Variants in BIN1 observed in about 807,000 individuals in gnomAD.
The protein encoded by BIN1 is myc box-dependent-interacting protein 1.
A neutral mutation model predicts 82.0 loss-of-function variants in BIN1; 53 were observed. The observed-to-expected ratio is 0.65, with a 90% CI of 0.52 to 0.81. BIN1 has a LOEUF of 0.81. Ranked by LOEUF, BIN1 falls within the 40% of genes least tolerant of loss-of-function variation. BIN1 has a pLI of 0.00. For synonymous variants in BIN1, 302 were observed against 328.0 expected, an observed-to-expected ratio of 0.92 and a Z score of 0.86; for missense variants, 642 against 784.4, an observed-to-expected ratio of 0.82 and a Z score of 2.17.
At chr2:127,102,585 G>A (rs1265143591) in intron 1 of BIN1, among the ~76,000 whole-genome samples, 1 of 152,198 alleles carries the variant, frequency 6.6e-6, no homozygotes, top group Non-Finnish European at 1.5e-5. Flanking sequence ...CAAGTAGGCT[G>A]TGCCTGGACA....
chr2:127,098,568 T>C (rs1311346083), intron 1 of BIN1, among the ~76,000 whole-genome samples: 1 of 144,022 alleles, frequency 6.9e-6, no homozygotes, highest in Non-Finnish European at 1.5e-5. Flanking sequence ...CCACGCCCCA[T>C]GCTGTTGCTG....
At chr2:127,083,188 C>A (rs1012137763) in intron 1 of BIN1, among the ~76,000 whole-genome samples, 1 of 151,312 alleles carries the variant, frequency 6.6e-6, no homozygotes, top group East Asian at 2.0e-4. Context: ...TGAGCTTAAA[C>A]GATCCGCCCA....
chr2:127,059,250 G>T lies in BIN1; in HGVS notation c.858-95C>A. ...TATTGACGTCTGTGTGAAGAGGTGT[G>T]TGCATATGGAGGTGTGAAACTGTGT... On this transcript the variant is annotated intron_variant, in intron 10 of 18. Coordinates refer to ENST00000316724, the MANE Select transcript of BIN1 (RefSeq NM_139343.3). The surrounding 1 kb of genome is among the most constrained non-coding windows in gnomAD (Gnocchi z 6.7). The T allele has an allele frequency of 1.4e-6, 2 of 1,442,166 alleles. No individual in the cohort carries two copies. The highest frequency in any genetic ancestry group is 9.4e-7 in the Non-Finnish European group (1 of 1,060,136). The allele number at this position is 1,442,166 out of a possible 1,614,324, so 89.3% of individuals were successfully genotyped here.
At chr2:127,083,001 T>C (rs1169657429) in intron 1 of BIN1, among the ~76,000 whole-genome samples, 2 of 151,938 alleles carry the variant, frequency 1.3e-5, no homozygotes, top group Non-Finnish European at 2.9e-5. Flanking sequence ...GAAAGGATAC[T>C]ACAGGGACTA....
intron 1 of BIN1, among the ~76,000 whole-genome samples, chr2:127,085,744 G>T (rs1415849190): frequency 6.6e-6 from 1 of 152,206 alleles, no homozygotes; most frequent in Non-Finnish European, 1.5e-5. Flanking sequence ...CCTCAGGGCT[G>T]CTCCGAAAGG....
At chr2:127,099,164 T>G (rs1298258441) in intron 1 of BIN1, among the ~76,000 whole-genome samples, 1 of 152,106 alleles carries the variant, frequency 6.6e-6, no homozygotes, top group Non-Finnish European at 1.5e-5. Flanking sequence ...CAGTGCTGTC[T>G]CCCCACTGCC....
At chr2:127,051,388 T>G in intron 15 of BIN1, 145 bp from the exon 16 acceptor site, 1 of 823,360 alleles carries the variant, frequency 1.2e-6, no homozygotes, top group East Asian at 2.7e-5. Flanking sequence ...GCCCAGTGCC[T>G]CGAAGAATCC....
chr2:127,051,380 C>G, intron 15 of BIN1, 137 bp from the exon 16 acceptor site: 1 of 865,054 alleles, frequency 1.2e-6, no homozygotes, highest in Non-Finnish European at 1.9e-6. Flanking sequence ...CTAGAGCTGC[C>G]CAGTGCCTCG....
chr2:127,097,312 T>C (rs143555779), intron 1 of BIN1, among the ~76,000 whole-genome samples: 6,991 of 144,306 alleles, frequency 0.048, 383 homozygotes, highest in East Asian at 0.19. Flanking sequence ...GGCCCAGCAG[T>C]GTCATCCCTC....
At position 127,050,435 on chromosome 2, in the gene BIN1, T is replaced by C. The variant is rs767826347; in HGVS notation, c.1660A>G (p.Asn554Asp). The change falls in exon 18 of 19, where the codon AAC (asparagine) becomes GAC (aspartate). Residue 554 changes from asparagine to aspartate, a missense_variant. By Grantham distance (23) the Asn-to-Asp change is conservative. Transcript: ENST00000316724. ...GDVVLVIPFQNPEEQDEGWLM... is the reference protein window; with the variant it reads ...GDVVLVIPFQDPEEQDEGWLM... ...CCAGCCCTCACCTGCTCTTCAGGGT[T>C]CTGGAAGGGGATCACCAGCACCACA... 1 of 1,614,152 alleles carries C rather than the reference T, an allele frequency of 6.2e-7. No individual in the cohort carries two copies. Among genetic ancestry groups the C allele is most frequent in the Non-Finnish European group, 8.5e-7 (1 of 1,180,016 alleles).
In BIN1 at chr2:127,067,300, C is replaced by G. The variant is rs1402204066; in HGVS notation, c.612+863G>C. On this transcript the variant is annotated intron_variant, in intron 7 of 18. Coordinates refer to ENST00000316724, the MANE Select transcript of BIN1 (RefSeq NM_139343.3). The surrounding 1 kb of genome is among the most constrained non-coding windows in gnomAD (Gnocchi z 4.7). ...ACATCCAGGCTGTGACTACACTGACCTGAAATGTGCCTCAGTTTCATTGGC... is the reference window on the plus strand; with the variant it reads ...ACATCCAGGCTGTGACTACACTGACGTGAAATGTGCCTCAGTTTCATTGGC... 6.6e-6 allele frequency among the ~76,000 whole-genome samples: 1 copy of G among 152,172 alleles called. No homozygotes were observed. Among genetic ancestry groups the G allele is most frequent in the Non-Finnish European group, 1.5e-5 (1 of 68,034 alleles).
intron 1 of BIN1, among the ~76,000 whole-genome samples, chr2:127,086,217 C>T (rs1415988508): frequency 6.6e-6 from 1 of 152,192 alleles, no homozygotes; most frequent in Non-Finnish European, 1.5e-5. Context: ...CAGGATGCCA[C>T]ACCTGATCAG....
chr2:127,084,942 T>G (rs531614625), intron 1 of BIN1, among the ~76,000 whole-genome samples: 14 of 152,214 alleles, frequency 9.2e-5, no homozygotes, highest in African/African-American at 3.4e-4. Flanking sequence ...CCCAGTGAAG[T>G]CACACGTACA....
chr2:127,063,802 A>C (rs111396683), intron 8 of BIN1, 131 bp downstream of exon 8: 3 of 1,422,966 alleles, frequency 2.1e-6, no homozygotes, highest in African/African-American at 2.8e-5. Context: ...TGCAGCACAC[A>C]GGCTGGGCAC....
intron 1 of BIN1, among the ~76,000 whole-genome samples, chr2:127,086,483 GC>G (rs1406875336): frequency 6.7e-6 from 1 of 148,538 alleles, no homozygotes; most frequent in Non-Finnish European, 1.5e-5. Flanking sequence ...GCCTGGCCTC[GC>G]CCCCACATGG....
At chr2:127,062,272 C>T in intron 9 of BIN1, 75 bp from the exon 10 acceptor site, 2 of 1,389,158 alleles carry the variant, frequency 1.4e-6, no homozygotes, top group Non-Finnish European at 2.0e-6. Flanking sequence ...AACACCTCTG[C>T]TTCTCCCCAC....
intron 1 of BIN1, among the ~76,000 whole-genome samples, chr2:127,098,223 G>A (rs1324803958): frequency 2.0e-5 from 3 of 152,222 alleles, no homozygotes; most frequent in Non-Finnish European, 2.9e-5. Flanking sequence ...GAGCCAGCGG[G>A]GATGCCCCAG....
rs1424320177 is a variant in BIN1, at chr2:127,057,397, C to G, written c.1131+76G>C. 4 of 1,455,216 alleles carry G rather than the reference C, an allele frequency of 2.7e-6. No homozygotes were observed. In the African/African-American group the frequency reaches 5.7e-5, roughly 21 times the overall value. The allele number at this position is 1,455,216 out of a possible 1,614,324, so 90.1% of individuals were successfully genotyped here. A position where few individuals can be genotyped will look rare whatever the true frequency, so the allele number is the denominator to read the frequency against. ...AGATTCCTGGCTCTTGAGACAGAAG[C>G]ATAGAGGATGAAGGCCATGCACGCC... On this transcript the variant is annotated intron_variant, in intron 12 of 18. Coordinates refer to ENST00000316724, the MANE Select transcript of BIN1 (RefSeq NM_139343.3). The surrounding 1 kb of genome is among the most constrained non-coding windows in gnomAD (Gnocchi z 5.0).
At chr2:127,050,595 T>C in intron 17 of BIN1, 73 bp from the exon 18 acceptor site, 3 of 1,535,490 alleles carry the variant, frequency 2.0e-6, no homozygotes, top group Non-Finnish European at 2.7e-6. Context: ...GGGCCTTGCG[T>C]GTGGGAGGTG....
Sources: allele counts gnomAD v4.1 joint callset (sites outside exome capture counted in the v4.1 genomes callset), GRCh38; gene constraint gnomAD v4.1.1; non-coding constraint Gnocchi (gnomAD v3.1); transcripts MANE v1.5; gene names NCBI Gene and HGNC (gene_info 2026-07-23, HGNC 2026-07-21).